SPEG: variants seen among roughly 807,000 people sequenced by gnomAD.
SPEG encodes striated muscle preferentially expressed protein kinase.
SPEG carries 114 observed loss-of-function variants against 300.4 expected under a neutral mutation model. The observed-to-expected ratio is 0.38, with a 90% CI of 0.33 to 0.44. SPEG has a LOEUF of 0.44. Among genes scored for constraint, SPEG ranks in the 20% least tolerant of loss-of-function variants. SPEG has a pLI of 1.00. For synonymous variants in SPEG, 1,964 were observed against 2,018.9 expected, an observed-to-expected ratio of 0.97 and a Z score of 0.73; for missense variants, 4,201 against 4,586.2, an observed-to-expected ratio of 0.92 and a Z score of 2.43.
chr2:219,476,487 G>C (rs1292697393), intron 18 of SPEG, among the ~76,000 whole-genome samples: 1 of 152,192 alleles, frequency 6.6e-6, no homozygotes, highest in Non-Finnish European at 1.5e-5. Flanking sequence ...CATGCAGCGA[G>C]GGGAGCGACT....
chr2:219,449,340 T>C, intron 4 of SPEG, 69 bp downstream of exon 4: 1 of 1,216,042 alleles, frequency 8.2e-7, no homozygotes, highest in Non-Finnish European at 1.1e-6. Context: ...AGAGCAAGAC[T>C]GCTCAGCAGG....
intron 11 of SPEG, 53 bp downstream of exon 11, chr2:219,468,789 G>A (rs924356909): frequency 6.2e-7 from 1 of 1,609,528 alleles, no homozygotes; most frequent in Non-Finnish European, 8.5e-7. Context: ...CCCAGGCGGC[G>A]ATGGGGTGCA....
In SPEG at chr2:219,474,106, G is replaced by A. The variant is rs1271486406; in HGVS notation, c.4447+203G>A. On this transcript the variant is annotated intron_variant, in intron 18 of 40. Transcript: ENST00000312358. ...CTAACAAGATTTATTGGCCAGACGC[G>A]GTGGCTCACACCTGTAATCTCAGCA... 4 of 576,396 alleles carry A rather than the reference G, an allele frequency of 6.9e-6. No homozygotes were observed. The Admixed American group carries it at 9.6e-5, about 14-fold the overall frequency. 35.7% of individuals were successfully genotyped at this position (576,396 alleles called of 1,614,324 possible). A position where few individuals can be genotyped will look rare whatever the true frequency, so the allele number is the denominator to read the frequency against.
rs1398017948 is a variant in SPEG, at chr2:219,472,397, C to T, written c.3940+66C>T. On this transcript the variant is annotated intron_variant, in intron 15 of 40. Transcript: ENST00000312358. ...GTGGAGAAGGCAGGCTCAGGCAGGA[C>T]ACCATGGGGGCCAGGCCCCAGAAGC... The T allele has an allele frequency of 6.4e-6, 9 of 1,399,120 alleles. No homozygotes were observed. In the East Asian group the frequency reaches 1.9e-4, roughly 29 times the overall value. The allele number at this position is 1,399,120 out of a possible 1,614,324, so 86.7% of individuals were successfully genotyped here.
At chr2:219,485,178 T>G in intron 30 of SPEG, 106 bp downstream of exon 30, 1 of 1,487,018 alleles carries the variant, frequency 6.7e-7, no homozygotes, top group Non-Finnish European at 9.1e-7. Context: ...AGGGGCAGGC[T>G]GAGGCCCCGA....
chr2:219,488,713 A>G, intron 33 of SPEG, 48 bp downstream of exon 33: 2 of 1,607,086 alleles, frequency 1.2e-6, no homozygotes, highest in Non-Finnish European at 1.7e-6. Flanking sequence ...GGATGGTGGG[A>G]CAGGGCTTGA....
In SPEG at chr2:219,441,989, C is replaced by T. The variant is rs1399088597; in HGVS notation, c.389-2664C>T. 4 of 432,574 alleles carry T rather than the reference C, an allele frequency of 9.2e-6. No homozygotes were observed. The South Asian group carries it at 4.2e-4, about 46-fold the overall frequency. 26.8% of individuals were successfully genotyped at this position (432,574 alleles called of 1,614,324 possible). On this transcript the variant is annotated intron_variant, in intron 1 of 40. Transcript: ENST00000312358. The stretch of plus-strand genomic sequence containing the variant: ...AGCTCGCCCCCGGCCCCGCCTCCGA[C>T]TCCGCCCCGCCCCCGCCCGTCCCCT...
At position 219,442,911 on chromosome 2, in the gene SPEG, G is replaced by A. The variant is rs75277221; in HGVS notation, c.389-1742G>A. On this transcript the variant is annotated intron_variant, in intron 1 of 40. Coordinates refer to ENST00000312358, the MANE Select transcript of SPEG (RefSeq NM_005876.5). ...CCTGCTCCTCCCAAGAGCCCAGCTG[G>A]GTACCCTGGAAGAAGGCAGGGGAGT... Among the ~76,000 whole-genome samples the A allele has an allele frequency of 5.0e-3, 757 of 152,188 alleles. 11 individuals carry two copies. The highest frequency in any genetic ancestry group is 6.2e-3 in the Non-Finnish European group (422 of 68,020).
chr2:219,451,369 G>A lies in SPEG; in HGVS notation c.2257+90G>A. On this transcript the variant is annotated intron_variant, in intron 5 of 40. Transcript: ENST00000312358. This position sits in a 1 kb window ranked among gnomAD's most constrained non-coding sequence, Gnocchi z 6.4. ...GAGGTTCCCCCGGACTCCTCCAAGGGAGGGGTGGGAAAGAGGGGAATTATC... is the reference window on the plus strand; with the variant it reads ...GAGGTTCCCCCGGACTCCTCCAAGGAAGGGGTGGGAAAGAGGGGAATTATC... The A allele has an allele frequency of 1.3e-6, 2 of 1,482,418 alleles. No individual in the cohort carries two copies. The highest frequency in any genetic ancestry group is 1.8e-6 in the Non-Finnish European group (2 of 1,112,592). 91.8% of individuals were successfully genotyped at this position (1,482,418 alleles called of 1,614,324 possible).
In SPEG at chr2:219,484,693, G is replaced by C. The variant is rs1373444588; in HGVS notation, c.7230G>C (p.Ser2410=). Residue 2410 remains serine, a synonymous_variant, in exon 30 of 41, where the codon TCG becomes TCC. Transcript: ENST00000312358. ...VGEPGLVRRL[S]LSLSQRLRRT... is the part of the protein sequence containing the mutation. Reference sequence around the variant, plus strand: ...AGCCTGGCCTCGTCCGCCGCCTCTCGCTGTCACTGTCCCAGCGGCTGCGGC... The same window carrying C: ...AGCCTGGCCTCGTCCGCCGCCTCTCCCTGTCACTGTCCCAGCGGCTGCGGC... The C allele has an allele frequency of 1.3e-6, 2 of 1,516,968 alleles. No individual in the cohort carries two copies. The highest frequency in any genetic ancestry group is 1.8e-6 in the Non-Finnish European group (2 of 1,141,064). 94.0% of individuals were successfully genotyped at this position (1,516,968 alleles called of 1,614,324 possible).
At chr2:219,465,915 G>T in intron 9 of SPEG, 1 of 702,882 alleles carries the variant, frequency 1.4e-6, no homozygotes, top group Non-Finnish European at 2.4e-6. Context: ...GTGCATGCGT[G>T]TGTGTGTGCG....
Position 219,464,583 on chromosome 2 carries a change from G to A in SPEG, c.2856G>A (p.Gln952=). The A allele has an allele frequency of 2.5e-6, 4 of 1,614,140 alleles. No individual in the cohort carries two copies. The highest frequency in any genetic ancestry group is 3.4e-6 in the Non-Finnish European group (4 of 1,179,960). The change falls in exon 9 of 41, where the codon CAG becomes CAA. Residue 952 remains glutamine (Q), a synonymous_variant. Coordinates refer to ENST00000312358, the MANE Select transcript of SPEG (RefSeq NM_005876.5). The surrounding 1 kb of genome is among the most constrained non-coding windows in gnomAD (Gnocchi z 4.5). ...CKAVNEYGAR[Q]CEARLEVRAH... is the part of the protein sequence containing the mutation. ...CGGTCAATGAGTATGGTGCTCGGCA[G>A]TGCGAGGCCCGCTTGGAGGTCCGAG...
At chr2:219,438,842 G>C (rs1327456714) in intron 1 of SPEG, among the ~76,000 whole-genome samples, 1 of 152,246 alleles carries the variant, frequency 6.6e-6, no homozygotes, top group Non-Finnish European at 1.5e-5. Flanking sequence ...GGAGAGCTTA[G>C]AGATAGGGAG....
At chr2:219,454,833 C>T (rs79374030) in intron 6 of SPEG, among the ~76,000 whole-genome samples, 1 of 152,202 alleles carries the variant, frequency 6.6e-6, no homozygotes, top group Admixed American at 6.5e-5. Flanking sequence ...GTGAATCACA[C>T]TTGTAATCCC....
rs750076433 is a variant in SPEG at position 219,489,397 on chromosome 2, G to T, written c.8379G>T (p.Arg2793Ser). The change falls in exon 36 of 41, where the codon AGG becomes AGT. Residue 2793 changes from arginine to serine, a missense_variant. Transcript: ENST00000312358. ...CCCCTGTCACCTCAAGGCCAGCCAG[G>T]GCCCGGCCTCCTGACTCTCCTACCT... ...QEAPVTSRPARARPPDSPTSL... is the reference protein window; with the variant it reads ...QEAPVTSRPASARPPDSPTSL... 6.2e-6 allele frequency: 10 copies of T among 1,612,806 alleles called. No individual in the cohort carries two copies. The highest frequency in any genetic ancestry group is 7.6e-6 in the Non-Finnish European group (9 of 1,179,696).
In SPEG at chr2:219,443,183, C is replaced by T. The variant is rs188922226; in HGVS notation, c.389-1470C>T. ...GACCGTGGGCGTCCTTGCTCTAGCC[C>T]ATGCCTACTCCTCCTCTTGGTCCCT... is the stretch of plus-strand genomic sequence containing the variant. On this transcript the variant is annotated intron_variant, in intron 1 of 40. Coordinates refer to ENST00000312358, the MANE Select transcript of SPEG (RefSeq NM_005876.5). The surrounding 1 kb of genome is among the most constrained non-coding windows in gnomAD (Gnocchi z 4.6). 1.0e-4 allele frequency: 161 copies of T among 1,606,684 alleles called. 1 individual carries two copies. The highest frequency in any genetic ancestry group is 8.3e-4 in the Middle Eastern group (5 of 6,056).
In SPEG at chr2:219,493,539, G is replaced by A. The variant is rs997582919; in HGVS notation, c.*753G>A. 1.5e-5 allele frequency: 7 copies of A among 459,810 alleles called. No homozygotes were observed. The highest frequency in any genetic ancestry group is 4.6e-5 in the South Asian group (3 of 64,748). The allele number at this position is 459,810 out of a possible 1,614,324, so 28.5% of individuals were successfully genotyped here. A position where few individuals can be genotyped will look rare whatever the true frequency, so the allele number is the denominator to read the frequency against. On this transcript the variant is annotated 3_prime_UTR_variant, in exon 41 of 41. Transcript: ENST00000312358. ...TTTTATGAAGTTTCCCCTTCCATCC[G>A]ATCCCTACTGCCCATGTTGTCCTGA...
Position 219,477,311 on chromosome 2 carries a change from G to C in SPEG, c.4595G>C (p.Ser1532Thr). ...EVLLTESSHV[S>T]FVYEENECSL... ...CTGCTGACCGAGAGCAGCCATGTGAGCTTCGTGTACGAGGAGAATGAGTGC... is the reference window on the plus strand; with the variant it reads ...CTGCTGACCGAGAGCAGCCATGTGACCTTCGTGTACGAGGAGAATGAGTGC... Residue 1532 changes from serine (S) to threonine (T), a missense_variant, in exon 20 of 41, where the codon AGC (serine) becomes ACC (threonine). By Grantham distance (58) the Ser-to-Thr change is moderately conservative. Around this residue, in one of 4 missense-constraint regions of SPEG, gnomAD observed 1,047 missense variants for 1,356.8 expected, o/e 0.77. Coordinates refer to ENST00000312358, the MANE Select transcript of SPEG (RefSeq NM_005876.5). The surrounding 1 kb of genome is among the most constrained non-coding windows in gnomAD (Gnocchi z 6.4). 1 of 1,613,316 alleles carries C rather than the reference G, an allele frequency of 6.2e-7. No individual in the cohort carries two copies. Among genetic ancestry groups the C allele is most frequent in the Non-Finnish European group, 8.5e-7 (1 of 1,179,874 alleles).
At chr2:219,461,612 C>T (rs779556973) in intron 6 of SPEG, 14 of 1,043,432 alleles carry the variant, frequency 1.3e-5, no homozygotes, top group South Asian at 6.5e-5. Context: ...CTCTGCTGCC[C>T]GAACCCTTTG....
Sources: gnomAD v4.1 joint callset for allele counts (sites outside exome capture counted in the v4.1 genomes callset) on GRCh38, gnomAD v4.1.1 for gene constraint, gnomAD v4.1.1 regional missense constraint, Gnocchi (gnomAD v3.1) non-coding constraint, MANE v1.5 for transcripts, NCBI Gene and HGNC (gene_info 2026-07-23, HGNC 2026-07-21) for gene names.